MYO18B: variants seen among roughly 807,000 people sequenced by gnomAD.
MYO18B encodes unconventional myosin-XVIIIb.
A neutral mutation model predicts 273.0 loss-of-function variants in MYO18B; 204 were observed. The ratio of observed to expected loss-of-function variants is 0.75; its 90% CI spans 0.67 to 0.84. MYO18B has a LOEUF of 0.84. Among genes scored for constraint, MYO18B ranks in the 40% least tolerant of loss-of-function variants. The pLI is 0.00. For missense variants in MYO18B, 3,212 were observed against 3,287.6 expected, an observed-to-expected ratio of 0.98 and a Z score of 0.56; for synonymous variants, 1,330 against 1,305.7, an observed-to-expected ratio of 1.02 and a Z score of -0.40.
At chr22:26,017,967 GTTTTTTTTTTTT>G (rs869143722) in intron 42 of MYO18B, among the ~76,000 whole-genome samples, 4 of 9,782 alleles carry the variant, frequency 4.1e-4, no homozygotes, top group East Asian at 5.5e-3. Context: ...TTACTGTTTT[GTTTTTTTTTTTT>G]TTTTTTTTTT....
intron 6 of MYO18B, among the ~76,000 whole-genome samples, chr22:25,771,770 A>T (rs369497155): frequency 1.3e-5 from 2 of 152,232 alleles, no homozygotes; most frequent in African/African-American, 4.8e-5. Flanking sequence ...GCTGGAGAGA[A>T]TAATAGGACG....
Position 25,773,065 on chromosome 22 carries a change from GA to G in MYO18B, c.1869+557del, listed in dbSNP as rs143034212. On this transcript the variant is annotated intron_variant, in intron 7 of 43. Coordinates refer to ENST00000335473, the MANE Select transcript of MYO18B (RefSeq NM_032608.7). ...AGTTGTACTTTAGTTTTTTTCCTCG[GA>G]AGTGTAGAAACGGCCAATTTTTGTT... 5.2e-3 allele frequency among the ~76,000 whole-genome samples: 786 copies of G among 152,258 alleles called. 5 individuals are homozygous for G. Among genetic ancestry groups the G allele is most frequent in the African/African-American group, 0.018 (729 of 41,552 alleles).
At chr22:25,968,397 C>T (rs929974033) in intron 39 of MYO18B, among the ~76,000 whole-genome samples, 11 of 152,122 alleles carry the variant, frequency 7.2e-5, no homozygotes, top group Non-Finnish European at 1.6e-4. Flanking sequence ...GAAATGGTTT[C>T]CAAAAAGGCA....
At position 25,946,186 on chromosome 22, in the gene MYO18B, T is replaced by G; in HGVS notation, c.5567T>G (p.Val1856Gly). The G allele has an allele frequency of 6.3e-7, 1 of 1,580,682 alleles. No homozygotes were observed. Among genetic ancestry groups the G allele is most frequent in the East Asian group, 2.3e-5 (1 of 43,092 alleles). Reference sequence around the variant, plus strand: ...GAGGAGGCCTTGAAGACGCAGAAGGTGCTCACAGCGGACCTGGAGAGCATG... The same window carrying G: ...GAGGAGGCCTTGAAGACGCAGAAGGGGCTCACAGCGGACCTGGAGAGCATG... ...KCEEALKTQK[V>G]LTADLESMHS... Residue 1856 changes from valine to glycine, a missense_variant, in exon 35 of 44, where the codon GTG becomes GGG. Val to Gly is a moderately radical substitution (Grantham distance 109). Coordinates refer to ENST00000335473, the MANE Select transcript of MYO18B (RefSeq NM_032608.7).
chr22:25,798,224 C>T lies in MYO18B; in HGVS notation c.2521+127C>T, dbSNP rs5761204. 0.31 allele frequency: 388,328 copies of T among 1,249,792 alleles called. 61,670 individuals carry two copies. The highest frequency in any genetic ancestry group is 0.48 in the African/African-American group (31,834 of 66,632). The allele number at this position is 1,249,792 out of a possible 1,614,324, so 77.4% of individuals were successfully genotyped here. ...TCACCTTCTATGTCTCTGGGACTTC[C>T]CTTGGGGAGGCTGCTGAAACTAGGC... On this transcript the variant is annotated intron_variant, in intron 12 of 43. Coordinates refer to ENST00000335473, the MANE Select transcript of MYO18B (RefSeq NM_032608.7).
intron 39 of MYO18B, among the ~76,000 whole-genome samples, chr22:25,989,792 T>C (rs111698971): frequency 0.01 from 1,304 of 127,502 alleles, 23 homozygotes; most frequent in African/African-American, 0.037. Context: ...AAAAAAAGAG[T>C]GGAGCCTGGG....
At chr22:25,793,926 A>T (rs1397844700) in intron 11 of MYO18B, among the ~76,000 whole-genome samples, 1 of 151,914 alleles carries the variant, frequency 6.6e-6, no homozygotes, top group East Asian at 1.9e-4. Context: ...TCTCTCCCAT[A>T]TTCTTTGTCT....
chr22:25,908,033 CAAAA>C (rs35715764), intron 31 of MYO18B, among the ~76,000 whole-genome samples: 2 of 103,936 alleles, frequency 1.9e-5, no homozygotes, highest in Non-Finnish European at 1.9e-5. Context: ...AACTCCATCT[CAAAA>C]AAAAAAAAAA....
chr22:25,893,680 C>T (rs1329249792), intron 27 of MYO18B, among the ~76,000 whole-genome samples: 2 of 152,002 alleles, frequency 1.3e-5, no homozygotes, highest in Non-Finnish European at 1.5e-5. Flanking sequence ...ATTATTATAC[C>T]ATCCGTTATT....
Position 25,780,186 on chromosome 22 carries a change from T to C in MYO18B, c.2199T>C (p.Ala733=). ...TCAACGCTACAGGCCGCATCACAGC[T>C]GCTCAGCTCCAGGTGAGGCCTCTCG... ...LDFNATGRIT[A]AQLQTMLLEK... is the part of the protein sequence containing the mutation. Residue 733 remains alanine (A), a synonymous_variant, in exon 9 of 44, where the codon GCT becomes GCC. Transcript: ENST00000335473. 6.2e-7 allele frequency: 1 copy of C among 1,605,210 alleles called. No individual in the cohort carries two copies. The highest frequency in any genetic ancestry group is 1.3e-5 in the African/African-American group (1 of 74,926).
At chr22:26,054,869 C>T in the MYO18B span, among the ~76,000 whole-genome samples, 809 of 152,188 alleles carry the variant, frequency 5.3e-3, 6 homozygotes, top group African/African-American at 0.016. Flanking sequence ...TTTTCATCTG[C>T]GAAACATAGG....
At position 25,763,422 on chromosome 22, in the gene MYO18B, G is replaced by A. The variant is rs373120421; in HGVS notation, c.198+33G>A. 136 of 1,588,756 alleles carry A rather than the reference G, an allele frequency of 8.6e-5. 2 individuals are homozygous for A. The highest frequency in any genetic ancestry group is 3.6e-4 in the Middle Eastern group (2 of 5,550). On this transcript the variant is annotated intron_variant, in intron 3 of 43. Coordinates refer to ENST00000335473, the MANE Select transcript of MYO18B (RefSeq NM_032608.7). ...GTTCCTAAGAAGGAGGACCGTATGCGTTTCCATACCCATCATTCTGTCTTG... is the reference window on the plus strand; with the variant it reads ...GTTCCTAAGAAGGAGGACCGTATGCATTTCCATACCCATCATTCTGTCTTG...
chr22:25,758,491 T>C (rs1601605790), intron 1 of MYO18B, among the ~76,000 whole-genome samples: 1 of 149,036 alleles, frequency 6.7e-6, no homozygotes, highest in African/African-American at 2.5e-5. Flanking sequence ...AGCAAAAACA[T>C]GTCTATCCAT....
intron 25 of MYO18B, among the ~76,000 whole-genome samples, chr22:25,879,637 A>G (rs893769468): frequency 1.3e-5 from 2 of 152,186 alleles, no homozygotes; most frequent in Non-Finnish European, 2.9e-5. Context: ...CACTCCAAGA[A>G]GGTCACTGCA....
At chr22:25,909,933 G>T (rs1304800165) in intron 32 of MYO18B, among the ~76,000 whole-genome samples, 1 of 152,122 alleles carries the variant, frequency 6.6e-6, no homozygotes, top group Non-Finnish European at 1.5e-5. Flanking sequence ...GATTTTCCCT[G>T]GGTCTTAGTT....
At chr22:26,049,198 C>T in the MYO18B span, among the ~76,000 whole-genome samples, 7 of 152,216 alleles carry the variant, frequency 4.6e-5, no homozygotes, top group Non-Finnish European at 7.4e-5. Context: ...GAAGTGGCAA[C>T]CAGCCCCCAG....
intron 12 of MYO18B, among the ~76,000 whole-genome samples, chr22:25,818,179 G>C (rs566918893): frequency 6.6e-6 from 1 of 152,328 alleles, no homozygotes; most frequent in Non-Finnish European, 1.5e-5. Context: ...AGTGGGCTGG[G>C]GGCAGGGGAA....
chr22:25,950,267 C>T, intron 36 of MYO18B, 100 bp from the exon 37 acceptor site: 1 of 929,560 alleles, frequency 1.1e-6, no homozygotes, highest in Non-Finnish European at 1.6e-6. Flanking sequence ...GAGATGTAGA[C>T]ATCTGTGGGT....
rs748385675 is a variant in MYO18B, at chr22:25,781,759, T to G, written c.2237T>G (p.Val746Gly). 6.7e-5 allele frequency: 107 copies of G among 1,586,842 alleles called. No individual in the cohort carries two copies. The highest frequency in any genetic ancestry group is 1.7e-4 in the Middle Eastern group (1 of 5,996). ...LQTMLLEKSR[V>G]ARQPEGESNF... Reference sequence around the variant, plus strand: ...ACAATGCTTTTGGAGAAGAGCCGCGTGGCACGGCAGCCGGAAGGGGAAAGT... The same window carrying G: ...ACAATGCTTTTGGAGAAGAGCCGCGGGGCACGGCAGCCGGAAGGGGAAAGT... The change falls in exon 10 of 44, where the codon GTG becomes GGG. Residue 746 changes from valine to glycine, a missense_variant. Physicochemically the swap from Val to Gly is moderately radical, Grantham distance 109 (BLOSUM62 -3). Transcript: ENST00000335473.
Sources: allele counts gnomAD v4.1 joint callset (sites outside exome capture counted in the v4.1 genomes callset), GRCh38; gene constraint gnomAD v4.1.1; transcripts MANE v1.5; gene names NCBI Gene and HGNC (gene_info 2026-07-23, HGNC 2026-07-21).